The following ERBB4 variants were observed in gnomAD, a reference collection of about 807,000 sequenced individuals.
ERBB4 encodes erb-b2 receptor tyrosine kinase 4, also known as receptor tyrosine-protein kinase erbB-4.
In ERBB4, 42 loss-of-function variants were observed where a neutral mutation model predicts 158.0. That is an observed-to-expected ratio of 0.27 (90% CI 0.21 to 0.34). The LOEUF (loss-of-function observed/expected upper bound fraction) is 0.34. Among genes scored for constraint, ERBB4 ranks in the 10% least tolerant of loss-of-function variants. The probability of loss-of-function intolerance (pLI) is 1.00; values close to 1 mark genes in which losing one functional copy is unlikely to be tolerated. For synonymous variants in ERBB4, 583 were observed against 558.7 expected, an observed-to-expected ratio of 1.04 and a Z score of -0.61; for missense variants, 1,333 against 1,624.1, an observed-to-expected ratio of 0.82 and a Z score of 3.08.
At chr2:211,884,281 C>T (rs191275437) in intron 3 of ERBB4, among the ~76,000 whole-genome samples, 237 of 152,216 alleles carry the variant, frequency 1.6e-3, no homozygotes, top group African/African-American at 5.5e-3. Context: ...ACCAATTCCT[C>T]TTCTTTCTCT....
chr2:211,701,452 G>C (rs948996508), intron 12 of ERBB4, among the ~76,000 whole-genome samples: 1 of 152,040 alleles, frequency 6.6e-6, no homozygotes, highest in African/African-American at 2.4e-5. Flanking sequence ...CTCCACAGGA[G>C]GGTTCTTAAG....
At chr2:212,027,155 TCA>T (rs1459469205) in intron 2 of ERBB4, among the ~76,000 whole-genome samples, 1 of 152,018 alleles carries the variant, frequency 6.6e-6, no homozygotes, top group Admixed American at 6.6e-5. Context: ...ATGCTAAGCC[TCA>T]GTTTATTCAT....
At chr2:211,709,777 C>T (rs1222479022) in intron 9 of ERBB4, among the ~76,000 whole-genome samples, 1 of 152,144 alleles carries the variant, frequency 6.6e-6, no homozygotes, top group African/African-American at 2.4e-5. Context: ...AGTTGTGTTG[C>T]TCCAATTTCA....
intron 4 of ERBB4, among the ~76,000 whole-genome samples, chr2:211,757,032 C>T (rs1177130094): frequency 6.6e-6 from 1 of 152,132 alleles, no homozygotes; most frequent in Non-Finnish European, 1.5e-5. Context: ...ATAGTAAAGT[C>T]TCAATATGAT....
intron 1 of ERBB4, among the ~76,000 whole-genome samples, chr2:212,260,216 A>T (rs895832052): frequency 6.6e-6 from 1 of 152,186 alleles, no homozygotes; most frequent in Non-Finnish European, 1.5e-5. Flanking sequence ...TGGCAAATAG[A>T]GTATGGGGAT....
intron 1 of ERBB4, among the ~76,000 whole-genome samples, chr2:212,419,943 T>A (rs2105901738): frequency 6.6e-6 from 1 of 152,124 alleles, no homozygotes; most frequent in African/African-American, 2.4e-5. Context: ...TTCCTCAATG[T>A]ATTTCTTAAA....
intron 1 of ERBB4, among the ~76,000 whole-genome samples, chr2:212,431,015 T>C (rs182663591): frequency 2.0e-5 from 3 of 152,234 alleles, no homozygotes; most frequent in East Asian, 1.9e-4. Context: ...GAAGGAAACA[T>C]AGACTTACTC....
chr2:212,357,712 A>G (rs1574759939), intron 1 of ERBB4, among the ~76,000 whole-genome samples: 1 of 151,876 alleles, frequency 6.6e-6, no homozygotes, highest in African/African-American at 2.4e-5. Context: ...GTAGCTTTCT[A>G]TCAAAGACAT....
chr2:212,106,156 T>G (rs1196812767), intron 2 of ERBB4, among the ~76,000 whole-genome samples: 1 of 152,074 alleles, frequency 6.6e-6, no homozygotes, highest in Non-Finnish European at 1.5e-5. Context: ...GGTAACAGAT[T>G]GGAACAGTTT....
chr2:211,735,123 A>C (rs2106164312), intron 5 of ERBB4, among the ~76,000 whole-genome samples: 1 of 152,270 alleles, frequency 6.6e-6, no homozygotes, highest in African/African-American at 2.4e-5. Flanking sequence ...ATTACCATAA[A>C]GTAATCACTT....
chr2:212,411,180 A>C (rs548254529), intron 1 of ERBB4, among the ~76,000 whole-genome samples: 2 of 152,252 alleles, frequency 1.3e-5, no homozygotes, highest in South Asian at 4.1e-4. Flanking sequence ...AAAATAAATT[A>C]ATTGATCAGA....
chr2:211,673,244 A>C lies in ERBB4; in HGVS notation c.1636T>G (p.Phe546Val). 6.2e-7 allele frequency: 1 copy of C among 1,613,452 alleles called. No homozygotes were observed. Among genetic ancestry groups the C allele is most frequent in the Non-Finnish European group, 8.5e-7 (1 of 1,179,528 alleles). The stretch of plus-strand genomic sequence containing the variant: ...TCCACACAGATGGAGCCATTCTCAA[A>C]CTCCCGAAATTCACTGTGAAAACAT... The part of the protein sequence containing the change: ...CNLYDGEFRE[F>V]ENGSICVECD... The change falls in exon 14 of 28, where the codon TTT becomes GTT. Residue 546 changes from phenylalanine (F) to valine (V), a missense_variant. Phe to Val is a conservative substitution (Grantham distance 50, BLOSUM62 -1). This residue lies in a region of ERBB4 where 245 missense variants were observed against 247.5 expected (regional missense o/e 0.99). Transcript: ENST00000342788.
chr2:212,273,585 G>A (rs2085418695), intron 1 of ERBB4, among the ~76,000 whole-genome samples: 1 of 151,744 alleles, frequency 6.6e-6, no homozygotes. Flanking sequence ...ATATTTTAAA[G>A]ATGAAGAAAT....
intron 12 of ERBB4, among the ~76,000 whole-genome samples, chr2:211,684,780 C>T (rs940051412): frequency 1.3e-5 from 2 of 152,210 alleles, no homozygotes; most frequent in African/African-American, 4.8e-5. Context: ...GAGGAGATGA[C>T]TCACCAAAGA....
At chr2:211,874,071 G>A (rs1016724381) in intron 3 of ERBB4, among the ~76,000 whole-genome samples, 2 of 152,044 alleles carry the variant, frequency 1.3e-5, no homozygotes, top group Non-Finnish European at 2.9e-5. Flanking sequence ...AGGCTTAGGC[G>A]AGAGAATCAC....
chr2:212,048,125 G>T (rs1163105610), intron 2 of ERBB4, among the ~76,000 whole-genome samples: 1 of 152,142 alleles, frequency 6.6e-6, no homozygotes, highest in East Asian at 1.9e-4. Context: ...AAGGCCTTTG[G>T]GCAGAAATGG....
At chr2:212,327,980 G>A (rs1331180444) in intron 1 of ERBB4, among the ~76,000 whole-genome samples, 3 of 149,090 alleles carry the variant, frequency 2.0e-5, no homozygotes, top group South Asian at 2.1e-4. Flanking sequence ...ATCCAAAACA[G>A]TTTTCCAGTT....
chr2:212,095,690 T>C (rs1055432640), intron 2 of ERBB4, among the ~76,000 whole-genome samples: 1 of 152,090 alleles, frequency 6.6e-6, no homozygotes, highest in African/African-American at 2.4e-5. Context: ...CCCAGCACTT[T>C]GGGAGGCCGA....
intron 2 of ERBB4, among the ~76,000 whole-genome samples, chr2:212,093,003 C>T (rs1521551): frequency 0.94 from 143,655 of 152,248 alleles, 68,285 homozygotes; most frequent in East Asian, 1. Context: ...ATTATTGATA[C>T]GAATTCTAGG....
Sources: gnomAD v4.1 joint callset for allele counts (sites outside exome capture counted in the v4.1 genomes callset) on GRCh38, gnomAD v4.1.1 for gene constraint, gnomAD v4.1.1 regional missense constraint, MANE v1.5 for transcripts, NCBI Gene and HGNC (gene_info 2026-07-23, HGNC 2026-07-21) for gene names.